Variants in GPRC5D observed in about 807,000 individuals in gnomAD.
The protein encoded by GPRC5D is G protein-coupled receptor family C group 5 member D.
GPRC5D carries 20 observed loss-of-function variants against 29.3 expected under a neutral mutation model. The observed-to-expected ratio is 0.68, with a 90% CI of 0.48 to 0.99. GPRC5D has a LOEUF of 0.99. Among genes scored for constraint, GPRC5D ranks in the 50% least tolerant of loss-of-function variants. GPRC5D has a pLI of 0.00. For synonymous variants in GPRC5D, 178 were observed against 171.3 expected (o/e 1.04, Z -0.30); for missense variants, 384 against 423.6 (o/e 0.91, Z 0.82).
At chr12:12,949,551 A>G (rs553397673) in exon 1 of GPRC5D, 1 of 1,598,030 alleles carries the variant, frequency 6.3e-7, no homozygotes, top group Admixed American at 1.7e-5. Context: ...CGGGGCAGGC[A>G]TTGCCTTGTA....
chr12:12,941,691 G>A (rs1215380484), intron 2 of GPRC5D, among the ~76,000 whole-genome samples: 1 of 152,188 alleles, frequency 6.6e-6, no homozygotes, highest in Non-Finnish European at 1.5e-5. Flanking sequence ...CAGCCCAAAT[G>A]TGAATTACCC....
At chr12:12,946,233 G>T (rs1485730251) in intron 1 of GPRC5D, among the ~76,000 whole-genome samples, 1 of 151,920 alleles carries the variant, frequency 6.6e-6, no homozygotes, top group Non-Finnish European at 1.5e-5. Context: ...TTGGGGAGAG[G>T]TCTTCACACT....
rs142001708 is a variant in GPRC5D at position 12,942,604 on chromosome 12, G to A, written c.896-276C>T. 5.6e-4 allele frequency among the ~76,000 whole-genome samples: 86 copies of A among 152,266 alleles called. 1 individual carries two copies. In the East Asian group the frequency reaches 7.7e-3, roughly 14 times the overall value. On this transcript the variant is annotated intron_variant, in intron 1 of 2. Transcript: ENST00000228887. ...ACAAAAATTAGCTGGGCGTGGTGGC[G>A]TGCACCTGTAATCCCAGCTACTTGG...
chr12:12,940,777 A>T, exon 3 of GPRC5D: 1 of 1,587,030 alleles, frequency 6.3e-7, no homozygotes, highest in South Asian at 1.1e-5. Flanking sequence ...CTGTAGATTT[A>T]TACTCCTCCT....
intron 1 of GPRC5D, among the ~76,000 whole-genome samples, chr12:12,945,307 C>T (rs1043760734): frequency 2.0e-5 from 3 of 151,982 alleles, no homozygotes; most frequent in Non-Finnish European, 4.4e-5. Flanking sequence ...GCCGGGCCAA[C>T]GCTTTCAAAT....
At chr12:12,948,658 T>A (rs757993414) in intron 1 of GPRC5D, 1 of 152,978 alleles carries the variant, frequency 6.5e-6, no homozygotes, top group Non-Finnish European at 1.5e-5. Flanking sequence ...AGAAAAGGAA[T>A]TAATGAGTTT....
intron 1 of GPRC5D, chr12:12,946,994 A>G (rs1863364807): frequency 6.6e-6 from 1 of 152,134 alleles, no homozygotes; most frequent in South Asian, 2.1e-4. Flanking sequence ...AAAACTTAAG[A>G]ATGACCATCT....
At position 12,948,661 on chromosome 12, in the gene GPRC5D, A is replaced by G. The variant is rs377446777; in HGVS notation, c.895+829T>C. ...CCCAGATGTTTCAGAAAAGGAATTA[A>G]TGAGTTTTGACATATTTCCAGATAA... is the stretch of plus-strand genomic sequence containing the variant. On this transcript the variant is annotated intron_variant, in intron 1 of 2. Coordinates refer to ENST00000228887, the Ensembl canonical transcript of GPRC5D. 299 of 153,080 alleles carry G rather than the reference A, an allele frequency of 2.0e-3. 2 individuals are homozygous for G. The highest frequency in any genetic ancestry group is 6.8e-3 in the African/African-American group (284 of 41,612). The allele number at this position is 153,080 out of a possible 1,614,324, so 9.5% of individuals were successfully genotyped here.
rs975106884 is a variant in GPRC5D, at chr12:12,942,196, A to G, written c.963+65T>C. On this transcript the variant is annotated intron_variant, in intron 2 of 2. Transcript: ENST00000228887. ...GTAAAGCCATTAGAAATGAAGCCTG[A>G]GGCTGTCCTAAGGAAGGAATGCTTG... is the stretch of plus-strand genomic sequence containing the variant. 7.0e-6 allele frequency: 7 copies of G among 1,003,270 alleles called. No homozygotes were observed. In the African/African-American group the frequency reaches 1.1e-4, roughly 16 times the overall value. The allele number at this position is 1,003,270 out of a possible 1,614,324, so 62.1% of individuals were successfully genotyped here.
intron 1 of GPRC5D, among the ~76,000 whole-genome samples, chr12:12,947,762 G>C (rs7313234): frequency 1.3e-5 from 2 of 151,994 alleles, no homozygotes; most frequent in Non-Finnish European, 2.9e-5. Context: ...TCGCCATGTC[G>C]CCCAGGCTGG....
At chr12:12,949,947 C>T in exon 1 of GPRC5D, 4 of 1,613,724 alleles carry the variant, frequency 2.5e-6, no homozygotes, top group Non-Finnish European at 3.4e-6. Flanking sequence ...GAGTCACATA[C>T]TCAGTGGCAA....
exon 2 of GPRC5D, chr12:12,942,264 C>A (rs373908218): frequency 6.3e-7 from 1 of 1,598,950 alleles, no homozygotes; most frequent in African/African-American, 1.3e-5. Context: ...CATTTACCTG[C>A]GGCTGAATGG....
Position 12,946,423 on chromosome 12 carries a change from TC to T in GPRC5D, c.895+3066del, listed in dbSNP as rs1460769107. Among the ~76,000 whole-genome samples, 12 of 8,244 alleles carry T rather than the reference TC, an allele frequency of 1.5e-3. No homozygotes were observed. The East Asian group carries it at 0.053, about 37-fold the overall frequency. The allele number at this position is 8,244 out of a possible 152,430, so 5.4% of individuals were successfully genotyped here. A position where few individuals can be genotyped will look rare whatever the true frequency, so the allele number is the denominator to read the frequency against. ...CTCTTCTTCTCTCTCTTTCTCTCTC[TC>T]TCTTTCTCTCTTTCTCTCTCTCTCT... On this transcript the variant is annotated intron_variant, in intron 1 of 2. Coordinates refer to ENST00000228887, the Ensembl canonical transcript of GPRC5D.
chr12:12,949,969 A>C (rs1480879375), exon 1 of GPRC5D: 1 of 1,614,082 alleles, frequency 6.2e-7, no homozygotes, highest in Non-Finnish European at 8.5e-7. Context: ...AATGATTTGC[A>C]ACAGACTGCA....
chr12:12,950,064 G>A lies in GPRC5D; in HGVS notation c.321C>T (p.Leu107=), dbSNP rs752787846. ...TCACTAGATTGGAGGCATGAGCTAAGAGGCATGAGAAACAGAGAGCAAAGA... is the reference window on the plus strand; with the variant it reads ...TCACTAGATTGGAGGCATGAGCTAAAAGGCATGAGAAACAGAGAGCAAAGA... Residue 107 remains leucine, a synonymous_variant, in exon 1 of 3, where the codon CTC becomes CTT. Transcript: ENST00000228887. 5.0e-6 allele frequency: 8 copies of A among 1,613,942 alleles called. No individual in the cohort carries two copies. The African/African-American group carries it at 9.3e-5, about 19-fold the overall frequency.
At position 12,942,446 on chromosome 12, in the gene GPRC5D, A is replaced by G. The variant is rs1016248663; in HGVS notation, c.896-118T>C. On this transcript the variant is annotated intron_variant, in intron 1 of 2. Coordinates refer to ENST00000228887, the Ensembl canonical transcript of GPRC5D. ...ACAGGCTCTTCACTCTTTAAAAGGAATTCTGAGGCTGGGCACGGTGGCTCA... is the reference window on the plus strand; with the variant it reads ...ACAGGCTCTTCACTCTTTAAAAGGAGTTCTGAGGCTGGGCACGGTGGCTCA... 8.6e-6 allele frequency: 6 copies of G among 696,728 alleles called. No homozygotes were observed. The African/African-American group carries it at 1.1e-4, about 12-fold the overall frequency. 43.2% of individuals were successfully genotyped at this position (696,728 alleles called of 1,614,324 possible). A position where few individuals can be genotyped will look rare whatever the true frequency, so the allele number is the denominator to read the frequency against.
At chr12:12,942,116 C>A in intron 2 of GPRC5D, 145 bp downstream of exon 3, 1 of 658,362 alleles carries the variant, frequency 1.5e-6, no homozygotes, top group Non-Finnish European at 2.7e-6. Flanking sequence ...CTGGGTGGCT[C>A]AAGCTCCACA....
At chr12:12,949,681 G>A (rs752208918) in exon 1 of GPRC5D, 3 of 1,614,154 alleles carry the variant, frequency 1.9e-6, no homozygotes, top group Admixed American at 3.3e-5. Flanking sequence ...GTCCCACTGG[G>A]GCTGTCGCTG....
chr12:12,941,613 G>A (rs182577445), intron 2 of GPRC5D, among the ~76,000 whole-genome samples: 15 of 152,262 alleles, frequency 9.9e-5, no homozygotes, highest in African/African-American at 2.6e-4. Flanking sequence ...TTTGATCCCC[G>A]TAATGTAAGA....
Sources: allele counts gnomAD v4.1 joint callset (sites outside exome capture counted in the v4.1 genomes callset), GRCh38; gene constraint gnomAD v4.1.1; transcripts MANE v1.5; gene names NCBI Gene and HGNC (gene_info 2026-07-23, HGNC 2026-07-21).